Variants in CECR2 observed in about 807,000 individuals in gnomAD.
CECR2 encodes CECR2 histone acetyl-lysine reader, also known as chromatin remodeling regulator CECR2.
CECR2 carries 30 observed loss-of-function variants against 154.5 expected under a neutral mutation model. That is an observed-to-expected ratio of 0.19 (90% CI 0.15 to 0.26). The LOEUF (loss-of-function observed/expected upper bound fraction) is 0.26, where lower values mean the gene tolerates loss of function less well. CECR2 is among the 10% of genes least tolerant of loss of function. CECR2 has a pLI of 1.00. For missense variants in CECR2, 1,743 were observed against 1,829.3 expected (o/e 0.95, Z 0.86); for synonymous variants, 725 against 683.7 (o/e 1.06, Z -0.94).
Position 17,553,212 on chromosome 22 carries a change from G to A in CECR2, c.*372G>A, listed in dbSNP as rs1255762536. On this transcript the variant is annotated 3_prime_UTR_variant, in exon 19 of 19. Coordinates refer to ENST00000262608, the MANE Select transcript of CECR2 (RefSeq NM_001290047.2). ...TGGAGTGGTGCTTTTAAACTTTGAT[G>A]AGCAGCTAAACTCAGGTATATATTT... The A allele has an allele frequency of 5.1e-6, 1 of 196,018 alleles. No homozygotes were observed. The allele number at this position is 196,018 out of a possible 1,614,324, so 12.1% of individuals were successfully genotyped here.
chr22:17,545,560 C>T (rs2056600586), intron 16 of CECR2, among the ~76,000 whole-genome samples: 2 of 151,436 alleles, frequency 1.3e-5, no homozygotes, highest in African/African-American at 4.9e-5. Flanking sequence ...ATAATAGATT[C>T]CTGGCTGAGC....
At chr22:17,541,386 A>G (rs964539525) in intron 14 of CECR2, among the ~76,000 whole-genome samples, 3 of 152,224 alleles carry the variant, frequency 2.0e-5, no homozygotes, top group South Asian at 4.1e-4. Context: ...CAGAGTTTGC[A>G]GTGAGCTGAG....
rs563642042 is a variant in CECR2 at position 17,477,599 on chromosome 22, C to T, written c.138C>T (p.Ala46=). 1.7e-5 allele frequency: 28 copies of T among 1,611,854 alleles called. 1 individual carries two copies. The South Asian group carries it at 2.1e-4, about 12-fold the overall frequency. The change falls in exon 2 of 19, where the codon GCC becomes GCT. Residue 46 remains alanine, a synonymous_variant. Coordinates refer to ENST00000262608, the MANE Select transcript of CECR2 (RefSeq NM_001290047.2). ...LPDFEIEELE[A]ALHRDDVEFI... ...TCTCCCTCCCTCAGGAGTTAGAAGC[C>T]GCTCTTCACAGAGATGACGTGGAGT...
rs1272388339 is a variant in CECR2 at position 17,557,618 on chromosome 22, A to G, written c.*4778A>G. 2 of 138,480 alleles carry G rather than the reference A, an allele frequency of 1.4e-5. No individual in the cohort carries two copies. Among genetic ancestry groups the G allele is most frequent in the East Asian group, 4.8e-4 (2 of 4,154 alleles). The allele number at this position is 138,480 out of a possible 1,614,324, so 8.6% of individuals were successfully genotyped here. ...AGAGGACTAACTGAACTCTAACGTC[A>G]GAACGGCTGACGAGCAGTTGATTGT... On this transcript the variant is annotated 3_prime_UTR_variant, in exon 19 of 19. Coordinates refer to ENST00000262608, the MANE Select transcript of CECR2 (RefSeq NM_001290047.2).
At chr22:17,394,302 A>C (rs1162372473) in intron 1 of CECR2, among the ~76,000 whole-genome samples, 1 of 149,504 alleles carries the variant, frequency 6.7e-6, no homozygotes, top group Non-Finnish European at 1.5e-5. Context: ...CCCTGGGCTC[A>C]AACAGTCTTC....
intron 2 of CECR2, among the ~76,000 whole-genome samples, chr22:17,486,913 C>T (rs2055431492): frequency 1.3e-5 from 2 of 152,144 alleles, no homozygotes; most frequent in South Asian, 4.2e-4. Context: ...CGTTTCATTC[C>T]GTAGGCTTGG....
In CECR2 at chr22:17,524,633, C is replaced by T. The variant is rs904038972; in HGVS notation, c.1108+362C>T. Among the ~76,000 whole-genome samples the T allele has an allele frequency of 3.6e-5, 5 of 137,928 alleles. No homozygotes were observed. The Admixed American group carries it at 3.7e-4, about 10-fold the overall frequency. 90.5% of individuals were successfully genotyped at this position (137,928 alleles called of 152,430 possible). A position where few individuals can be genotyped will look rare whatever the true frequency, so the allele number is the denominator to read the frequency against. On this transcript the variant is annotated intron_variant, in intron 9 of 18. Transcript: ENST00000262608. The stretch of plus-strand genomic sequence containing the variant: ...GGTCTCGATATCTTGACCTCGTAAT[C>T]TGCCCGCCTTGGCCTCCCAAAGTGC...
At chr22:17,509,917 C>A (rs1430133529) in intron 7 of CECR2, among the ~76,000 whole-genome samples, 1 of 152,148 alleles carries the variant, frequency 6.6e-6, no homozygotes, top group Non-Finnish European at 1.5e-5. Flanking sequence ...GTCCTCTAAA[C>A]TTTGAAATAA....
chr22:17,550,796 G>A (rs1325819673), intron 17 of CECR2, among the ~76,000 whole-genome samples: 1 of 152,172 alleles, frequency 6.6e-6, no homozygotes, highest in Non-Finnish European at 1.5e-5. Context: ...CAAAAAATTA[G>A]CCGGGCGTGG....
intron 1 of CECR2, among the ~76,000 whole-genome samples, chr22:17,472,892 G>A (rs1457377044): frequency 6.6e-6 from 1 of 152,158 alleles, no homozygotes; most frequent in Non-Finnish European, 1.5e-5. Flanking sequence ...TATTAGGCAG[G>A]CAGGACTTGC....
chr22:17,429,541 A>AAAC (rs2054387085), intron 1 of CECR2, among the ~76,000 whole-genome samples: 1 of 143,122 alleles, frequency 7.0e-6, no homozygotes, highest in Non-Finnish European at 1.5e-5. Context: ...ATCTCTACCA[A>AAAC]AAACAAAAAC....
chr22:17,519,290 GTGTTT>G (rs2056114116), intron 8 of CECR2, among the ~76,000 whole-genome samples: 3 of 99,086 alleles, frequency 3.0e-5, no homozygotes, highest in Admixed American at 1.1e-4. Context: ...CAGGTGTTTT[GTGTTT>G]TTTTTTTTTT....
rs1204466426 is a variant in CECR2 at position 17,557,938 on chromosome 22, A to G, written c.*5098A>G. 1 of 152,190 alleles carries G rather than the reference A, an allele frequency of 6.6e-6. No individual in the cohort carries two copies. Among genetic ancestry groups the G allele is most frequent in the Admixed American group, 6.5e-5 (1 of 15,276 alleles). The allele number at this position is 152,190 out of a possible 1,614,324, so 9.4% of individuals were successfully genotyped here. Reference sequence around the variant, plus strand: ...CTTCTGGCCAGTACTGGAAAGGGGAATGCTATTTATTTTTATATTGTGTAT... The same window carrying G: ...CTTCTGGCCAGTACTGGAAAGGGGAGTGCTATTTATTTTTATATTGTGTAT... On this transcript the variant is annotated 3_prime_UTR_variant, in exon 19 of 19. Transcript: ENST00000262608.
In CECR2 at chr22:17,537,197, T is replaced by A; in HGVS notation, c.1203T>A (p.Asn401Lys). 1.9e-6 allele frequency: 3 copies of A among 1,613,918 alleles called. No individual in the cohort carries two copies. The highest frequency in any genetic ancestry group is 2.5e-6 in the Non-Finnish European group (3 of 1,179,848). Residue 401 changes from asparagine to lysine, a missense_variant, in exon 10 of 19, where the codon AAT becomes AAA. Around this residue, in one of 4 missense-constraint regions of CECR2, gnomAD observed 292 missense variants for 301.2 expected, o/e 0.97. Transcript: ENST00000262608. ...LPPELSHLDP[N>K]SPMREEKKTK... The stretch of plus-strand genomic sequence containing the variant: ...CAGAACTTTCCCATCTGGACCCCAA[T>A]TCCCCCATGAGAGAGGAAAAAAAGA...
intron 1 of CECR2, among the ~76,000 whole-genome samples, chr22:17,428,798 T>TTGTGTGTGTGTGTGTGTGTGTGTGTG (rs60474818): frequency 1.8e-4 from 25 of 136,334 alleles, no homozygotes; most frequent in Non-Finnish European, 2.2e-4. Context: ...ATGTTTTTAT[T>TTGTGTGTGTGTGTGTGTGTGTGTGTG]TGTGTGTGTG....
chr22:17,484,520 G>T (rs548981911), intron 2 of CECR2, among the ~76,000 whole-genome samples: 33 of 151,360 alleles, frequency 2.2e-4, no homozygotes, highest in Non-Finnish European at 4.0e-4. Context: ...TTCTGTTGTT[G>T]TTTTTTTTAA....
In CECR2 at chr22:17,549,601, A is replaced by T. The variant is rs1220673941; in HGVS notation, c.4277+37A>T. 4.2e-6 allele frequency: 6 copies of T among 1,437,422 alleles called. No homozygotes were observed. The South Asian group carries it at 8.0e-5, about 19-fold the overall frequency. 89.0% of individuals were successfully genotyped at this position (1,437,422 alleles called of 1,614,324 possible). On this transcript the variant is annotated intron_variant, in intron 17 of 18. Coordinates refer to ENST00000262608, the MANE Select transcript of CECR2 (RefSeq NM_001290047.2). Reference sequence around the variant, plus strand: ...TTCAGGCTTTTCCCCCTAAAGAGAGAACAGATGTTTATTTTATGTATTTAT... The same window carrying T: ...TTCAGGCTTTTCCCCCTAAAGAGAGTACAGATGTTTATTTTATGTATTTAT...
intron 2 of CECR2, among the ~76,000 whole-genome samples, chr22:17,490,434 T>C (rs1390692671): frequency 1.3e-5 from 2 of 151,944 alleles, no homozygotes; most frequent in African/African-American, 2.4e-5. Flanking sequence ...ATCTTTGTAT[T>C]TTTATTTATT....
At chr22:17,496,175 G>A (rs969564070) in intron 2 of CECR2, among the ~76,000 whole-genome samples, 1 of 152,100 alleles carries the variant, frequency 6.6e-6, no homozygotes, top group Admixed American at 6.6e-5. Context: ...AGACCAGCCT[G>A]GGCAACATGC....
Sources: gnomAD v4.1 joint callset for allele counts (sites outside exome capture counted in the v4.1 genomes callset) on GRCh38, gnomAD v4.1.1 for gene constraint, gnomAD v4.1.1 regional missense constraint, MANE v1.5 for transcripts, NCBI Gene and HGNC (gene_info 2026-07-23, HGNC 2026-07-21) for gene names.